Variants in NCOA7 observed in about 807,000 individuals in gnomAD.
NCOA7 encodes 140 kDa estrogen receptor-associated protein.
Under a neutral mutation model 104.3 loss-of-function variants are expected in NCOA7, and 45 were observed. That is an observed-to-expected ratio of 0.43 (90% CI 0.34 to 0.55). The LOEUF is 0.55. Ranked by LOEUF, NCOA7 falls within the 20% of genes least tolerant of loss-of-function variation. NCOA7 has a pLI of 0.02. For missense variants in NCOA7, 1,041 were observed against 1,119.7 expected, an observed-to-expected ratio of 0.93 and a Z score of 1.00; for synonymous variants, 398 against 402.3, an observed-to-expected ratio of 0.99 and a Z score of 0.13.
chr6:125,781,579 G>A (rs1774229514), intron 1 of NCOA7, among the ~76,000 whole-genome samples: 2 of 152,110 alleles, frequency 1.3e-5, no homozygotes, highest in African/African-American at 2.4e-5. Context: ...CTATCCCAAG[G>A]AATCTTAGAT....
chr6:125,880,148 G>T (rs1783701964), intron 5 of NCOA7, among the ~76,000 whole-genome samples: 1 of 152,104 alleles, frequency 6.6e-6, no homozygotes, highest in South Asian at 2.1e-4. Context: ...TTTTGGGGTG[G>T]GGGTAGTTTT....
intron 10 of NCOA7, among the ~76,000 whole-genome samples, chr6:125,909,322 T>G (rs1429977045): frequency 6.6e-6 from 1 of 152,188 alleles, no homozygotes; most frequent in African/African-American, 2.4e-5. Flanking sequence ...TGCCATCCAG[T>G]GTCCAGCTCT....
At position 125,915,445 on chromosome 6, in the gene NCOA7, A is replaced by G; in HGVS notation, c.2209A>G (p.Asn737Asp). The change falls in exon 11 of 16, where the codon AAC (asparagine) becomes GAC (aspartate). Residue 737 changes from asparagine to aspartate, a missense_variant. This residue lies in a region of NCOA7 where 914 missense variants were observed against 942.7 expected (regional missense o/e 0.97). Transcript: ENST00000392477. ...VEKEELNMIDNFFSEPTTKSW... is the reference protein window; with the variant it reads ...VEKEELNMIDDFFSEPTTKSW... ...GAAGGAAGAACTGAACATGATTGAC[A>G]ACTTCTTCAGTGAGCCAACAACCAA... The G allele has an allele frequency of 6.2e-7, 1 of 1,613,924 alleles. No homozygotes were observed. Among genetic ancestry groups the G allele is most frequent in the Non-Finnish European group, 8.5e-7 (1 of 1,179,840 alleles).
chr6:125,854,957 A>T, intron 2 of NCOA7, 63 bp from the exon 3 acceptor site: 3 of 1,134,684 alleles, frequency 2.6e-6, no homozygotes, highest in South Asian at 1.5e-5. Flanking sequence ...GCGTGAAATT[A>T]ATATGATTTC....
chr6:125,792,221 T>C (rs1774925065), intron 1 of NCOA7, among the ~76,000 whole-genome samples: 1 of 152,240 alleles, frequency 6.6e-6, no homozygotes, highest in Non-Finnish European at 1.5e-5. Flanking sequence ...TTTAATTGAA[T>C]TTCAAAAATT....
At chr6:125,877,975 G>T (rs938676081) in intron 4 of NCOA7, among the ~76,000 whole-genome samples, 27 of 152,154 alleles carry the variant, frequency 1.8e-4, no homozygotes, top group African/African-American at 6.5e-4. Flanking sequence ...CTTCATTACA[G>T]CTCACGGACC....
chr6:125,897,939 G>A (rs1433489622), intron 10 of NCOA7, among the ~76,000 whole-genome samples: 6 of 152,134 alleles, frequency 3.9e-5, no homozygotes, highest in African/African-American at 1.4e-4. Flanking sequence ...TCGGCCTCCC[G>A]AAGTGCTGGG....
intron 3 of NCOA7, among the ~76,000 whole-genome samples, chr6:125,870,412 T>C (rs1782792267): frequency 6.6e-6 from 1 of 152,224 alleles, no homozygotes; most frequent in Non-Finnish European, 1.5e-5. Flanking sequence ...CAACACCACC[T>C]TCCTTTTTTC....
At chr6:125,803,779 A>G (rs1000646656) in intron 1 of NCOA7, among the ~76,000 whole-genome samples, 14 of 152,198 alleles carry the variant, frequency 9.2e-5, no homozygotes, top group Non-Finnish European at 1.3e-4. Context: ...AGTGTTTGCT[A>G]TTTATATACT....
intron 1 of NCOA7, chr6:125,810,441 A>T (rs1776880916): frequency 6.6e-6 from 1 of 152,250 alleles, no homozygotes. Flanking sequence ...AAAAATATTT[A>T]GATGGAAGAT....
upstream of NCOA7, among the ~76,000 whole-genome samples, chr6:125,786,919 G>A (rs1347300425): frequency 1.3e-5 from 2 of 152,120 alleles, no homozygotes; most frequent in Non-Finnish European, 1.5e-5. Context: ...GACTGAGGCA[G>A]ATGGATTGCT....
intron 2 of NCOA7, among the ~76,000 whole-genome samples, chr6:125,830,047 G>A (rs1342846050): frequency 6.6e-6 from 1 of 152,082 alleles, no homozygotes; most frequent in Non-Finnish European, 1.5e-5. Context: ...TGAACTTTTC[G>A]AGCTATAACA....
intron 13 of NCOA7, among the ~76,000 whole-genome samples, chr6:125,925,394 A>G (rs1248998276): frequency 6.6e-6 from 1 of 152,250 alleles, no homozygotes; most frequent in Non-Finnish European, 1.5e-5. Context: ...TTCTGGAGAC[A>G]GGGTAAACTT....
chr6:125,899,776 C>T (rs1341265512), intron 10 of NCOA7: 1 of 199,190 alleles, frequency 5.0e-6, no homozygotes, highest in Non-Finnish European at 1.1e-5. Context: ...CCTCCAAAAA[C>T]ACCCTCTTAG....
chr6:125,895,532 G>C (rs12210886), intron 10 of NCOA7, among the ~76,000 whole-genome samples: 3 of 152,114 alleles, frequency 2.0e-5, no homozygotes, highest in Non-Finnish European at 4.4e-5. Flanking sequence ...CACATCATGT[G>C]CTGCGTTAGG....
chr6:125,857,846 A>G (rs1432013690), intron 3 of NCOA7, among the ~76,000 whole-genome samples: 1 of 151,838 alleles, frequency 6.6e-6, no homozygotes, highest in African/African-American at 2.4e-5. Context: ...TTGGCTTCCT[A>G]AAGTGCTGGG....
chr6:125,889,377 T>C lies in NCOA7; in HGVS notation c.1323T>C (p.Ser441=), dbSNP rs1784465307. The C allele has an allele frequency of 1.2e-6, 2 of 1,613,964 alleles. No homozygotes were observed. Among genetic ancestry groups the C allele is most frequent in the Non-Finnish European group, 1.7e-6 (2 of 1,179,944 alleles). Residue 441 remains serine (S), a synonymous_variant, in exon 9 of 16, where the codon TCT becomes TCC. Coordinates refer to ENST00000392477, the MANE Select transcript of NCOA7 (RefSeq NM_181782.5). Reference sequence around the variant, plus strand: ...AAGACACCTTGAAGGAGTGCCTTTCTCTTGACCCAGAGGAACGAAAGAAAG... The same window carrying C: ...AAGACACCTTGAAGGAGTGCCTTTCCCTTGACCCAGAGGAACGAAAGAAAG... ...HKKDTLKECL[S]LDPEERKKAE...
At chr6:125,829,062 TA>T (rs1268359167) in intron 2 of NCOA7, among the ~76,000 whole-genome samples, 3 of 152,164 alleles carry the variant, frequency 2.0e-5, no homozygotes, top group Non-Finnish European at 4.4e-5. Flanking sequence ...GAGAATTTTT[TA>T]ATTGTAATAT....
intron 3 of NCOA7, among the ~76,000 whole-genome samples, chr6:125,867,938 GC>G (rs1481190014): frequency 2.0e-5 from 3 of 152,160 alleles, no homozygotes; most frequent in Non-Finnish European, 4.4e-5. Context: ...TCGGTAATAA[GC>G]CCGCTTCTAT....
Sources: allele counts gnomAD v4.1 joint callset (sites outside exome capture counted in the v4.1 genomes callset), GRCh38; gene constraint gnomAD v4.1.1; regional missense constraint gnomAD v4.1.1; transcripts MANE v1.5; gene names NCBI Gene and HGNC (gene_info 2026-07-23, HGNC 2026-07-21).